MBD5: variants seen among roughly 807,000 people sequenced by gnomAD.
MBD5 encodes the protein methyl-CpG-binding domain protein 5.
Under a neutral mutation model 117.3 loss-of-function variants are expected in MBD5, and 13 were observed. The observed-to-expected ratio is 0.11, with a 90% CI of 0.07 to 0.18. The LOEUF (loss-of-function observed/expected upper bound fraction) is 0.18. Among genes scored for constraint, MBD5 ranks in the 10% least tolerant of loss-of-function variants. The probability of loss-of-function intolerance (pLI) is 1.00; values close to 1 mark genes in which losing one functional copy is unlikely to be tolerated. For synonymous variants in MBD5, 727 were observed against 766.4 expected (o/e 0.95, Z 0.85); for missense variants, 1,879 against 2,093.8 (o/e 0.90, Z 2.00).
intron 4 of MBD5, among the ~76,000 whole-genome samples, chr2:148,447,233 A>G (rs967932905): frequency 1.4e-5 from 1 of 71,786 alleles, no homozygotes; most frequent in African/African-American, 3.4e-5. Context: ...GAAAGAAAGA[A>G]AGGGAAAGGA....
intron 4 of MBD5, among the ~76,000 whole-genome samples, chr2:148,385,746 G>A (rs557203888): frequency 1.5e-4 from 22 of 148,834 alleles, no homozygotes; most frequent in Admixed American, 1.3e-3. Context: ...TTAAGAAAAT[G>A]TGGCACATAT....
At chr2:148,308,349 G>T (rs140757648) in intron 3 of MBD5, among the ~76,000 whole-genome samples, 10,827 of 151,968 alleles carry the variant, frequency 0.071, 493 homozygotes, top group Admixed American at 0.12. Context: ...GGCATGAGAT[G>T]GTATCTCATT....
At chr2:148,074,455 G>A (rs549989294) in intron 1 of MBD5, among the ~76,000 whole-genome samples, 7 of 150,794 alleles carry the variant, frequency 4.6e-5, no homozygotes, top group South Asian at 4.2e-4. Context: ...GGATATAACC[G>A]GAAACTAGTA....
intron 1 of MBD5, among the ~76,000 whole-genome samples, chr2:148,079,898 AC>A (rs1467959630): frequency 2.3e-4 from 34 of 150,906 alleles, no homozygotes; most frequent in Non-Finnish European, 3.3e-4. Flanking sequence ...AACAACAACA[AC>A]AACAAAAACT....
At chr2:148,056,569 G>GT in intron 1 of MBD5, among the ~76,000 whole-genome samples, 1 of 152,024 alleles carries the variant, frequency 6.6e-6, no homozygotes, top group Non-Finnish European at 1.5e-5. Context: ...TAACTGTATA[G>GT]TTTTTTCTCT....
intron 2 of MBD5, among the ~76,000 whole-genome samples, chr2:148,215,187 A>T (rs1488797293): frequency 6.6e-6 from 1 of 152,264 alleles, no homozygotes; most frequent in East Asian, 1.9e-4. Context: ...GAAATTTTAT[A>T]TTCTACATAT....
intron 9 of MBD5, among the ~76,000 whole-genome samples, chr2:148,484,513 G>C (rs1211564618): frequency 6.6e-6 from 1 of 152,144 alleles, no homozygotes; most frequent in Non-Finnish European, 1.5e-5. Flanking sequence ...GCATCACAGG[G>C]TTAGTATGAG....
rs566813181 is a variant in MBD5 at position 148,034,575 on chromosome 2, C to T, written c.-925+12891C>T. 1.2e-4 allele frequency among the ~76,000 whole-genome samples: 19 copies of T among 152,222 alleles called. No individual in the cohort carries two copies. In the South Asian group the frequency reaches 3.5e-3, roughly 28 times the overall value. ...TCACTAACATTTATTGAGTACTTTG[C>T]GCCACTCATTGTGCTAAAAGTCTTG... On this transcript the variant is annotated intron_variant, in intron 1 of 13. Transcript: ENST00000642680.
intron 3 of MBD5, among the ~76,000 whole-genome samples, chr2:148,314,237 C>T (rs1029094937): frequency 3.3e-5 from 5 of 151,870 alleles, no homozygotes; most frequent in African/African-American, 1.2e-4. Context: ...CATACGCTTC[C>T]TCATACTATA....
chr2:148,175,257 T>G (rs1429617163), intron 1 of MBD5, among the ~76,000 whole-genome samples: 1 of 152,154 alleles, frequency 6.6e-6, no homozygotes, highest in Non-Finnish European at 1.5e-5. Context: ...CAACAAAACA[T>G]TGAAATTGCA....
chr2:148,128,160 T>A (rs759805335), intron 1 of MBD5, among the ~76,000 whole-genome samples: 6 of 152,166 alleles, frequency 3.9e-5, no homozygotes, highest in Non-Finnish European at 7.4e-5. Flanking sequence ...TTGCAAAAGC[T>A]TTCTCCCATT....
Position 148,483,719 on chromosome 2 carries a change from A to G in MBD5, c.3128A>G (p.Asn1043Ser), listed in dbSNP as rs76237549. ...PDHLPSNQSD[N>S]SRAETLLTSP... ...CATTTGCCAAGCAATCAGTCAGACAACAGCCGAGCTGAGACCCTTTTAACC... is the reference window on the plus strand; with the variant it reads ...CATTTGCCAAGCAATCAGTCAGACAGCAGCCGAGCTGAGACCCTTTTAACC... The change falls in exon 9 of 14, where the codon AAC (asparagine) becomes AGC (serine). Residue 1043 changes from asparagine to serine, a missense_variant. Asn to Ser is a conservative substitution (Grantham distance 46, BLOSUM62 1). Coordinates refer to ENST00000642680, the MANE Select transcript of MBD5 (RefSeq NM_001378120.1). The G allele has an allele frequency of 6.4e-6, 10 of 1,550,532 alleles. No individual in the cohort carries two copies. The highest frequency in any genetic ancestry group is 1.4e-5 in the African/African-American group (1 of 73,144).
intron 1 of MBD5, among the ~76,000 whole-genome samples, chr2:148,082,236 C>A (rs1411117089): frequency 1.3e-5 from 2 of 152,206 alleles, no homozygotes; most frequent in Non-Finnish European, 2.9e-5. Flanking sequence ...AATGCTTATA[C>A]AACAGCATCT....
intron 4 of MBD5, among the ~76,000 whole-genome samples, chr2:148,425,245 A>G (rs977991257): frequency 6.6e-6 from 1 of 152,200 alleles, no homozygotes; most frequent in African/African-American, 2.4e-5. Flanking sequence ...CCATCAGAGA[A>G]TGCTATAAAC....
intron 2 of MBD5, among the ~76,000 whole-genome samples, chr2:148,224,945 T>C (rs970610104): frequency 6.6e-6 from 1 of 152,070 alleles, no homozygotes. Flanking sequence ...TTTCACTCTA[T>C]GTTTGTATTT....
At chr2:148,231,652 A>G (rs1435798616) in intron 2 of MBD5, among the ~76,000 whole-genome samples, 1 of 152,168 alleles carries the variant, frequency 6.6e-6, no homozygotes, top group Non-Finnish European at 1.5e-5. Flanking sequence ...TAGTCTTTAA[A>G]AAATCTCACT....
chr2:148,470,144 C>G lies in MBD5; in HGVS notation c.2201C>G (p.Ala734Gly), dbSNP rs1321931262. The part of the protein sequence containing the change: ...GASNTALPCS[A>G]NQLHFTDPSM... ...TCAAATACTGCTTTGCCTTGCTCTG[C>G]TAACCAGCTGCATTTTACAGATCCC... The change falls in exon 8 of 14, where the codon GCT (alanine) becomes GGT (glycine). Residue 734 changes from alanine to glycine, a missense_variant. Transcript: ENST00000642680. 6.2e-7 allele frequency: 1 copy of G among 1,613,920 alleles called. No homozygotes were observed. Among genetic ancestry groups the G allele is most frequent in the Non-Finnish European group, 8.5e-7 (1 of 1,179,898 alleles).
At chr2:148,364,970 G>A (rs183677231) in intron 4 of MBD5, among the ~76,000 whole-genome samples, 29 of 152,196 alleles carry the variant, frequency 1.9e-4, no homozygotes, top group African/African-American at 7.0e-4. Flanking sequence ...CGTGAACTCA[G>A]CTCTGGACCA....
At chr2:148,344,707 G>A (rs1703043221) in intron 4 of MBD5, among the ~76,000 whole-genome samples, 1 of 151,894 alleles carries the variant, frequency 6.6e-6, no homozygotes, top group African/African-American at 2.4e-5. Flanking sequence ...CCTTTTGGTG[G>A]AGTCTTTAGT....
Sources: allele counts gnomAD v4.1 joint callset (sites outside exome capture counted in the v4.1 genomes callset), GRCh38; gene constraint gnomAD v4.1.1; transcripts MANE v1.5; gene names NCBI Gene and HGNC (gene_info 2026-07-23, HGNC 2026-07-21).